The following AHNAK variants were observed in gnomAD, a reference collection of about 807,000 sequenced individuals.
The protein encoded by AHNAK is neuroblast differentiation-associated protein AHNAK.
A neutral mutation model predicts 37.8 loss-of-function variants in AHNAK; 23 were observed. The observed-to-expected ratio is 0.61, with a 90% CI of 0.44 to 0.86. The LOEUF (loss-of-function observed/expected upper bound fraction) is 0.86. Among genes scored for constraint, AHNAK ranks in the 40% least tolerant of loss-of-function variants. The pLI is 0.00. For missense variants in AHNAK, 7,411 were observed against 7,319.4 expected (o/e 1.01, Z -0.46); for synonymous variants, 2,481 against 2,636.3 (o/e 0.94, Z 1.80).
chr11:62,516,501 CT>C lies in AHNAK; in HGVS notation c.*242del, dbSNP rs1940022277. The C allele has an allele frequency of 7.3e-7, 1 of 1,378,304 alleles. No homozygotes were observed. Among genetic ancestry groups the C allele is most frequent in the Non-Finnish European group, 9.4e-7 (1 of 1,068,366 alleles). The allele number at this position is 1,378,304 out of a possible 1,614,324, so 85.4% of individuals were successfully genotyped here. ...GCAAAAAAATATATATATATGAAATCTTAAGGCAAATACTGTTGACTTTGCA... is the reference window on the plus strand; with the variant it reads ...GCAAAAAAATATATATATATGAAATCTAAGGCAAATACTGTTGACTTTGCA... On this transcript the variant is annotated 3_prime_UTR_variant, in exon 5 of 5. Coordinates refer to ENST00000378024, the MANE Select transcript of AHNAK (RefSeq NM_001620.3).
chr11:62,450,803 G>A (rs769906153), intron 5 of AHNAK, among the ~76,000 whole-genome samples: 11 of 152,268 alleles, frequency 7.2e-5, no homozygotes, highest in African/African-American at 2.2e-4. Context: ...TCGCCTTTGC[G>A]TTCTGGGCAT....
Position 62,523,678 on chromosome 11 carries a change from T to C in AHNAK, c.10739A>G (p.Lys3580Arg), listed in dbSNP as rs1180409741. 2.5e-6 allele frequency: 4 copies of C among 1,613,966 alleles called. No homozygotes were observed. The highest frequency in any genetic ancestry group is 1.7e-5 in the Admixed American group (1 of 59,992). The change falls in exon 5 of 5, where the codon AAA becomes AGA. Residue 3580 changes from lysine (K) to arginine (R), a missense_variant. Lys to Arg is a conservative substitution (Grantham distance 26, BLOSUM62 2). Transcript: ENST00000378024. The part of the protein sequence containing the change: ...GDLKGPEVDI[K>R]GPKVDINAPD... ...GGCATTGATGTCCACTTTAGGGCCT[T>C]TGATATCAACCTCTGGCCCTTTCAG...
intron 1 of AHNAK, among the ~76,000 whole-genome samples, chr11:62,538,652 C>T (rs547563825): frequency 1.3e-5 from 2 of 152,346 alleles, no homozygotes; most frequent in African/African-American, 4.8e-5. Context: ...CTGGGCCCAG[C>T]ACCTAATTAC....
chr11:62,484,242 C>T (rs998503888), intron 5 of AHNAK, among the ~76,000 whole-genome samples: 4 of 151,238 alleles, frequency 2.6e-5, no homozygotes, highest in African/African-American at 9.7e-5. Flanking sequence ...ATTAGCTGGG[C>T]ATGGTAGCAC....
chr11:62,523,024 G>C lies in AHNAK; in HGVS notation c.11393C>G (p.Pro3798Arg). 1.2e-6 allele frequency: 2 copies of C among 1,614,036 alleles called. No homozygotes were observed. The highest frequency in any genetic ancestry group is 1.7e-6 in the Non-Finnish European group (2 of 1,180,020). ...CTTGGGCATCTTCAGGTGCCAGTCT[G>C]GGCCTTGAACATCAACATCTGGAGC... ...INAPDVDVQG[P>R]DWHLKMPKVK... Residue 3798 changes from proline to arginine, a missense_variant, in exon 5 of 5, where the codon CCA (proline) becomes CGA (arginine). Physicochemically the swap from Pro to Arg is moderately radical, Grantham distance 103. Transcript: ENST00000378024.
At chr11:62,485,276 C>T (rs1249220425) in intron 5 of AHNAK, among the ~76,000 whole-genome samples, 1 of 152,050 alleles carries the variant, frequency 6.6e-6, no homozygotes, top group Non-Finnish European at 1.5e-5. Context: ...GTGATGCATG[C>T]CTGTACTGGG....
rs1304323270 is a variant in AHNAK at position 62,532,894 on chromosome 11, C to A, written c.1523G>T (p.Ser508Ile). ...PKISMQDVDL[S>I]LGSPKLKGDI... ...TCCTTTCAGTTTAGGAGACCCAAGG[C>A]TCAGATCCACATCCTGCATGGAGAT... The change falls in exon 5 of 5, where the codon AGC becomes ATC. Residue 508 changes from serine to isoleucine, a missense_variant. Ser to Ile is a moderately radical substitution (Grantham distance 142, BLOSUM62 -2). Transcript: ENST00000378024. The A allele has an allele frequency of 6.2e-7, 1 of 1,613,988 alleles. No individual in the cohort carries two copies. The highest frequency in any genetic ancestry group is 8.5e-7 in the Non-Finnish European group (1 of 1,180,022).
chr11:62,470,378 G>A (rs998088370), intron 5 of AHNAK, among the ~76,000 whole-genome samples: 4 of 151,988 alleles, frequency 2.6e-5, no homozygotes, highest in African/African-American at 4.8e-5. Context: ...CCCGGGAGGT[G>A]GAGGTTGCAG....
intron 5 of AHNAK, among the ~76,000 whole-genome samples, chr11:62,488,240 C>T (rs1180170224): frequency 6.6e-6 from 1 of 152,134 alleles, no homozygotes; most frequent in Non-Finnish European, 1.5e-5. Flanking sequence ...CCTTGAAATC[C>T]CGAGACATTT....
chr11:62,516,865 C>T lies in AHNAK; in HGVS notation c.17552G>A (p.Ser5851Asn). Residue 5851 changes from serine (S) to asparagine (N), a missense_variant, in exon 5 of 5, where the codon AGT becomes AAT. Physicochemically the swap from Ser to Asn is conservative, Grantham distance 46. Transcript: ENST00000378024. ...CTTCTTAGAGGCCAGGGACACCCCA[C>T]TCCCCTGTAACTTGCCTGTCTCATC... ...SDDETGKLQG[S>N]GVSLASKKSR... The T allele has an allele frequency of 6.2e-7, 1 of 1,614,174 alleles. No individual in the cohort carries two copies. The highest frequency in any genetic ancestry group is 8.5e-7 in the Non-Finnish European group (1 of 1,180,030).
At chr11:62,514,068 C>T (rs1479078661), downstream of AHNAK, among the ~76,000 whole-genome samples, 1 of 152,114 alleles carries the variant, frequency 6.6e-6, no homozygotes, top group African/African-American at 2.4e-5. Context: ...CCACCACTAG[C>T]CTTCATCACT....
intron 1 of AHNAK, among the ~76,000 whole-genome samples, chr11:62,544,854 C>T (rs939892645): frequency 6.6e-6 from 1 of 152,190 alleles, no homozygotes; most frequent in Admixed American, 6.5e-5. Flanking sequence ...AACGCCTTCC[C>T]CCACTCTCAG....
intron 1 of AHNAK, among the ~76,000 whole-genome samples, chr11:62,544,128 TC>T: frequency 6.6e-6 from 1 of 152,090 alleles, no homozygotes; most frequent in Non-Finnish European, 1.5e-5. Flanking sequence ...ACCAGCCAAT[TC>T]CAAGTCGAGC....
At chr11:62,510,044 TTTTGTTTG>T (rs140209456) in intron 4 of AHNAK, among the ~76,000 whole-genome samples, 58 of 151,516 alleles carry the variant, frequency 3.8e-4, no homozygotes, top group East Asian at 1.6e-3. Flanking sequence ...TGTATTGGAG[TTTTGTTTG>T]TTTGTTTGTT....
intron 5 of AHNAK, among the ~76,000 whole-genome samples, chr11:62,436,269 T>C (rs1377751281): frequency 6.6e-6 from 1 of 152,176 alleles, no homozygotes; most frequent in Non-Finnish European, 1.5e-5. Context: ...GTTCACACAA[T>C]GAAGTTCTCT....
chr11:62,481,986 G>A (rs897179315), intron 5 of AHNAK, among the ~76,000 whole-genome samples: 13 of 152,062 alleles, frequency 8.5e-5, no homozygotes, highest in African/African-American at 2.9e-4. Flanking sequence ...GCCCTGTGTC[G>A]GGTGAGGTCA....
At chr11:62,457,190 G>T (rs1223627384) in intron 5 of AHNAK, among the ~76,000 whole-genome samples, 1 of 152,118 alleles carries the variant, frequency 6.6e-6, no homozygotes, top group Non-Finnish European at 1.5e-5. Context: ...CGGGCACGGT[G>T]TAATCCCGGC....
chr11:62,509,174 A>G (rs1026816772), intron 4 of AHNAK, among the ~76,000 whole-genome samples: 1 of 152,184 alleles, frequency 6.6e-6, no homozygotes, highest in Non-Finnish European at 1.5e-5. Flanking sequence ...TCATCAGACA[A>G]ACCCAGATTG....
chr11:62,435,318 T>G (rs1938137406), intron 5 of AHNAK, among the ~76,000 whole-genome samples: 1 of 152,206 alleles, frequency 6.6e-6, no homozygotes, highest in Non-Finnish European at 1.5e-5. Context: ...TCCAAATGTG[T>G]GTTGAATTAT....
Sources: allele counts gnomAD v4.1 joint callset (sites outside exome capture counted in the v4.1 genomes callset), GRCh38; gene constraint gnomAD v4.1.1; transcripts MANE v1.5; gene names NCBI Gene and HGNC (gene_info 2026-07-23, HGNC 2026-07-21).